CLPB: variants seen among roughly 807,000 people sequenced by gnomAD.
The protein encoded by CLPB is mitochondrial disaggregase.
Under a neutral mutation model 78.4 loss-of-function variants are expected in CLPB, and 40 were observed. The ratio of observed to expected loss-of-function variants is 0.51; its 90% CI spans 0.40 to 0.66. The LOEUF (loss-of-function observed/expected upper bound fraction) is 0.66, where lower values mean the gene tolerates loss of function less well. Ranked by LOEUF, CLPB falls within the 30% of genes least tolerant of loss-of-function variation. The pLI, the probability that CLPB is intolerant of heterozygous loss-of-function variation, is 0.00. For synonymous variants in CLPB, 333 were observed against 348.0 expected (o/e 0.96, Z 0.48); for missense variants, 780 against 886.9 (o/e 0.88, Z 1.53).
intron 3 of CLPB, among the ~76,000 whole-genome samples, chr11:72,396,868 T>C (rs1028971176): frequency 6.6e-6 from 1 of 152,214 alleles, no homozygotes; most frequent in Admixed American, 6.5e-5. Context: ...CAATTAATAA[T>C]GAAAATTAGA....
chr11:72,351,962 C>T (rs541612466), intron 5 of CLPB, among the ~76,000 whole-genome samples: 3 of 152,236 alleles, frequency 2.0e-5, no homozygotes, highest in East Asian at 1.9e-4. Flanking sequence ...TTTCACAAAA[C>T]GGACACACCC....
chr11:72,297,866 G>A (rs1379440835), intron 11 of CLPB, among the ~76,000 whole-genome samples: 1 of 152,128 alleles, frequency 6.6e-6, no homozygotes, highest in Non-Finnish European at 1.5e-5. Flanking sequence ...TGGGCCTGAG[G>A]ATGGGTCCCA....
intron 3 of CLPB, among the ~76,000 whole-genome samples, chr11:72,396,629 T>A (rs1855414580): frequency 6.6e-6 from 1 of 152,248 alleles, no homozygotes; most frequent in Non-Finnish European, 1.5e-5. Flanking sequence ...ACAAGTCCAC[T>A]GTACACTACT....
chr11:72,367,933 G>A (rs1225126263), intron 4 of CLPB, among the ~76,000 whole-genome samples: 1 of 152,056 alleles, frequency 6.6e-6, no homozygotes, highest in African/African-American at 2.4e-5. Flanking sequence ...AACAAATGGT[G>A]AATTGTATAG....
intron 3 of CLPB, among the ~76,000 whole-genome samples, chr11:72,386,304 T>C (rs185552321): frequency 1.3e-5 from 2 of 152,312 alleles, no homozygotes; most frequent in Admixed American, 1.3e-4. Flanking sequence ...TTAAGGTCCT[T>C]TGCCCATCTT....
intron 2 of CLPB, among the ~76,000 whole-genome samples, chr11:72,406,928 A>T (rs1310906128): frequency 2.0e-5 from 3 of 152,116 alleles, no homozygotes. Context: ...ATGTGTATAA[A>T]ATTCTGCTTA....
At position 72,393,101 on chromosome 11, in the gene CLPB, T is replaced by C. The variant is rs151174258; in HGVS notation, c.542+9865A>G. Among the ~76,000 whole-genome samples, 442 of 152,358 alleles carry C rather than the reference T, an allele frequency of 2.9e-3. 3 individuals carry two copies. The highest frequency in any genetic ancestry group is 6.8e-3 in the Middle Eastern group (2 of 294). On this transcript the variant is annotated intron_variant, in intron 3 of 15. Transcript: ENST00000538039. ...AGGAAGGCATGGCACGTTAAGCTGATGGCCAAGGAATCAAGATCACCCACA... is the reference window on the plus strand; with the variant it reads ...AGGAAGGCATGGCACGTTAAGCTGACGGCCAAGGAATCAAGATCACCCACA...
chr11:72,296,714 A>G (rs1215739491), intron 11 of CLPB, among the ~76,000 whole-genome samples: 2 of 152,206 alleles, frequency 1.3e-5, no homozygotes, highest in African/African-American at 4.8e-5. Context: ...TCTACTAGGA[A>G]AGTGGCTCCT....
chr11:72,410,606 C>T (rs774129637), intron 2 of CLPB: 4 of 152,194 alleles, frequency 2.6e-5, no homozygotes, highest in Non-Finnish European at 5.9e-5. Context: ...ATACACAGAA[C>T]TTGGAACACA....
intron 9 of CLPB, among the ~76,000 whole-genome samples, chr11:72,305,082 T>C (rs953315609): frequency 3.9e-5 from 6 of 152,216 alleles, no homozygotes; most frequent in African/African-American, 1.4e-4. Context: ...ATAAAATACA[T>C]GGTTGTTTTT....
intron 11 of CLPB, among the ~76,000 whole-genome samples, chr11:72,297,111 A>G (rs2135490557): frequency 6.6e-6 from 1 of 152,342 alleles, no homozygotes; most frequent in Non-Finnish European, 1.5e-5. Context: ...GACAGGTGCT[A>G]GGGAGGAGAT....
At chr11:72,402,940 G>T in intron 3 of CLPB, 26 bp downstream of exon 3, 3 of 1,598,914 alleles carry the variant, frequency 1.9e-6, no homozygotes, top group Non-Finnish European at 2.6e-6. Flanking sequence ...GCCTAAAGGA[G>T]CCCTGTGTGG....
intron 5 of CLPB, among the ~76,000 whole-genome samples, chr11:72,355,606 G>A (rs1408884799): frequency 6.6e-6 from 1 of 152,200 alleles, no homozygotes; most frequent in African/African-American, 2.4e-5. Context: ...ACATGCCCAA[G>A]GCAACACAGC....
At chr11:72,307,817 T>C (rs948407711) in intron 8 of CLPB, among the ~76,000 whole-genome samples, 5 of 152,172 alleles carry the variant, frequency 3.3e-5, no homozygotes, top group African/African-American at 1.2e-4. Context: ...CCCTGACTAG[T>C]ATAAAAGTCA....
intron 3 of CLPB, among the ~76,000 whole-genome samples, chr11:72,395,886 G>GC (rs1354251626): frequency 6.6e-6 from 1 of 152,186 alleles, no homozygotes; most frequent in Non-Finnish European, 1.5e-5. Flanking sequence ...TAGTCTAGCT[G>GC]CAAGATTAGC....
intron 3 of CLPB, among the ~76,000 whole-genome samples, chr11:72,382,189 A>G (rs1053014030): frequency 4.6e-5 from 7 of 152,078 alleles, no homozygotes; most frequent in African/African-American, 1.7e-4. Flanking sequence ...CTCAAGGTCC[A>G]GACCCACTCC....
chr11:72,299,264 G>A (rs1949612172), intron 11 of CLPB, among the ~76,000 whole-genome samples: 1 of 152,226 alleles, frequency 6.6e-6, no homozygotes, highest in Non-Finnish European at 1.5e-5. Context: ...CAGTCTCCTT[G>A]TTAATGACCC....
intron 7 of CLPB, among the ~76,000 whole-genome samples, chr11:72,309,051 G>A (rs1477950898): frequency 6.6e-6 from 1 of 152,182 alleles, no homozygotes; most frequent in East Asian, 1.9e-4. Context: ...GATGTGGGGT[G>A]TGAGCCCTGG....
At chr11:72,415,198 G>C (rs1479207733) in intron 2 of CLPB, among the ~76,000 whole-genome samples, 2 of 152,146 alleles carry the variant, frequency 1.3e-5, no homozygotes, top group East Asian at 3.9e-4. Flanking sequence ...CCTGGCGACA[G>C]AGTGAGACTC....
Sources: allele counts gnomAD v4.1 joint callset (sites outside exome capture counted in the v4.1 genomes callset), GRCh38; gene constraint gnomAD v4.1.1; transcripts MANE v1.5; gene names NCBI Gene and HGNC (gene_info 2026-07-23, HGNC 2026-07-21).